Variants in USH1C observed in about 807,000 individuals in gnomAD.
The protein encoded by USH1C is USH1 protein network component harmonin, also known as harmonin.
USH1C carries 90 observed loss-of-function variants against 119.3 expected under a neutral mutation model. That is an observed-to-expected ratio of 0.75 (90% confidence interval 0.64 to 0.90). USH1C has a LOEUF of 0.90. USH1C is among the 40% of genes least tolerant of loss of function. The pLI, the probability that USH1C is intolerant of heterozygous loss-of-function variation, is 0.00. For missense variants in USH1C, 1,165 were observed against 1,167.7 expected (o/e 1.00, Z 0.03); for synonymous variants, 465 against 443.3 (o/e 1.05, Z -0.62).
Position 17,533,927 on chromosome 11 carries a change from C to T in USH1C, c.37-605G>A, listed in dbSNP as rs545502533. On this transcript the variant is annotated intron_variant, in intron 1 of 26. Transcript: ENST00000005226. Reference sequence around the variant, plus strand: ...GCCACTCCTTCCCCCTCCCCAGGCCCCTGCACAAGCCCCGCAGGGGGAGCG... The same window carrying T: ...GCCACTCCTTCCCCCTCCCCAGGCCTCTGCACAAGCCCCGCAGGGGGAGCG... 84 of 309,706 alleles carry T rather than the reference C, an allele frequency of 2.7e-4. 1 individual carries two copies. Among genetic ancestry groups the T allele is most frequent in the South Asian group, 2.2e-3 (76 of 34,458 alleles). The allele number at this position is 309,706 out of a possible 1,614,324, so 19.2% of individuals were successfully genotyped here.
At chr11:17,534,164 G>A (rs1226934912) in intron 1 of USH1C, among the ~76,000 whole-genome samples, 1 of 152,176 alleles carries the variant, frequency 6.6e-6, no homozygotes, top group African/African-American at 2.4e-5. Context: ...GGGGTCACTG[G>A]GTCCCTCTCT....
At chr11:17,511,852 C>A in intron 16 of USH1C, 50 bp downstream of exon 16, 1 of 1,588,296 alleles carries the variant, frequency 6.3e-7, no homozygotes, top group Non-Finnish European at 8.6e-7. Flanking sequence ...TGGAGAACGA[C>A]CACATTGTGT....
Position 17,533,731 on chromosome 11 carries a change from G to A in USH1C, c.37-409C>T, listed in dbSNP as rs1338749960. 4 of 468,766 alleles carry A rather than the reference G, an allele frequency of 8.5e-6. No homozygotes were observed. In the East Asian group the frequency reaches 2.0e-4, roughly 23 times the overall value. The allele number at this position is 468,766 out of a possible 1,614,324, so 29.0% of individuals were successfully genotyped here. The stretch of plus-strand genomic sequence containing the variant: ...CCCACTGTCTTACCTGATGGTGGCT[G>A]TAGTGCCGGATAAATGCTTTCAGGA... On this transcript the variant is annotated intron_variant, in intron 1 of 26. Transcript: ENST00000005226.
chr11:17,527,433 A>G (rs1306197967), intron 4 of USH1C, 102 bp from the exon 5 acceptor site: 1 of 971,666 alleles, frequency 1.0e-6, no homozygotes, highest in African/African-American at 1.6e-5. Flanking sequence ...GGAAAAGGGA[A>G]GGGTGGCTGT....
chr11:17,509,278 G>A (rs1591977364), intron 18 of USH1C, 78 bp downstream of exon 18: 1 of 1,479,900 alleles, frequency 6.8e-7, no homozygotes, highest in Non-Finnish European at 9.0e-7. Flanking sequence ...ACTCTCAGGA[G>A]CAGTGGAGGA....
At chr11:17,514,468 C>T (rs955852926) in intron 15 of USH1C, 2 of 152,260 alleles carry the variant, frequency 1.3e-5, no homozygotes, top group Non-Finnish European at 2.9e-5. Flanking sequence ...ATTCGCCTGT[C>T]TTGGCCTCCC....
chr11:17,520,255 G>A (rs546992475), intron 14 of USH1C, among the ~76,000 whole-genome samples: 25 of 152,312 alleles, frequency 1.6e-4, no homozygotes, highest in Admixed American at 1.6e-3. Context: ...TGGGACGGAT[G>A]AAGAGAGGAG....
At chr11:17,498,788 C>T (rs930753119) in intron 23 of USH1C, among the ~76,000 whole-genome samples, 28 of 152,160 alleles carry the variant, frequency 1.8e-4, no homozygotes, top group African/African-American at 6.5e-4. Flanking sequence ...CTCACAGCAT[C>T]CCAATCTTTT....
chr11:17,522,759 G>A, intron 12 of USH1C, 25 bp downstream of exon 12: 3 of 1,613,602 alleles, frequency 1.9e-6, no homozygotes, highest in Non-Finnish European at 1.7e-6. Context: ...GGCGGGACAG[G>A]GCATCCAGGG....
At chr11:17,500,936 G>T in intron 23 of USH1C, 115 bp downstream of exon 23, 1 of 851,028 alleles carries the variant, frequency 1.2e-6, no homozygotes, top group Non-Finnish European at 1.9e-6. Context: ...CGAGTGGGAG[G>T]GCATTCTCCA....
chr11:17,515,315 G>A (rs1158381324), intron 15 of USH1C, among the ~76,000 whole-genome samples: 3 of 152,148 alleles, frequency 2.0e-5, no homozygotes, highest in Non-Finnish European at 4.4e-5. Context: ...CTAGATAAAG[G>A]CATTAACCTC....
intron 9 of USH1C, among the ~76,000 whole-genome samples, chr11:17,524,175 T>C (rs991249648): frequency 1.3e-5 from 2 of 152,210 alleles, no homozygotes; most frequent in Non-Finnish European, 2.9e-5. Flanking sequence ...CATGGAACAA[T>C]GTCTGATGCA....
intron 14 of USH1C, among the ~76,000 whole-genome samples, chr11:17,518,692 T>A (rs1642820104): frequency 6.6e-6 from 1 of 152,124 alleles, no homozygotes; most frequent in African/African-American, 2.4e-5. Flanking sequence ...ATTTTCTAGG[T>A]AAGAGATGCC....
intron 20 of USH1C, among the ~76,000 whole-genome samples, chr11:17,503,540 G>A (rs2133794378): frequency 6.6e-6 from 1 of 152,326 alleles, no homozygotes; most frequent in South Asian, 2.1e-4. Flanking sequence ...AGGGGAGCAA[G>A]GGTTTGACTC....
chr11:17,501,364 C>G (rs1591962239), intron 22 of USH1C, 118 bp downstream of exon 22: 1 of 1,233,780 alleles, frequency 8.1e-7, no homozygotes, highest in Admixed American at 2.0e-5. Flanking sequence ...GAGGGGAGGA[C>G]AGTGGGGACC....
chr11:17,521,541 G>A (rs1850414316), intron 12 of USH1C, 130 bp from the exon 13 acceptor site: 2 of 930,776 alleles, frequency 2.1e-6, no homozygotes, highest in Non-Finnish European at 3.5e-6. Flanking sequence ...GCCTGGACCA[G>A]CTTTGGTTTT....
At chr11:17,505,518 T>C (rs1849615003) in intron 19 of USH1C, among the ~76,000 whole-genome samples, 1 of 152,242 alleles carries the variant, frequency 6.6e-6, no homozygotes, top group Non-Finnish European at 1.5e-5. Context: ...ACAGTCCTGC[T>C]GTGAAGATTA....
chr11:17,541,241 T>C (rs1380015910), intron 1 of USH1C, among the ~76,000 whole-genome samples: 2 of 152,230 alleles, frequency 1.3e-5, no homozygotes, highest in Non-Finnish European at 2.9e-5. Context: ...TCTGGCATTG[T>C]ATGATACTTT....
chr11:17,522,861 C>G lies in USH1C; in HGVS notation c.942G>C (p.Arg314=), dbSNP rs1183830862. The G allele has an allele frequency of 1.2e-6, 2 of 1,612,880 alleles. No homozygotes were observed. The highest frequency in any genetic ancestry group is 1.7e-6 in the Non-Finnish European group (2 of 1,179,724). ...GCCGCTTCTGCATGAGAAGCTCCTG[C>G]CGCTGCAGCTCACGCTGCCGCGCCT... The part of the protein sequence containing the change: ...LAEARQRELQ[R]QELLMQKRLA... Residue 314 remains arginine, a synonymous_variant, in exon 12 of 27, where the codon CGG becomes CGC. Coordinates refer to ENST00000005226, the MANE Select transcript of USH1C (RefSeq NM_153676.4).
Sources: gnomAD v4.1 joint callset for allele counts (sites outside exome capture counted in the v4.1 genomes callset) on GRCh38, gnomAD v4.1.1 for gene constraint, MANE v1.5 for transcripts, NCBI Gene and HGNC (gene_info 2026-07-23, HGNC 2026-07-21) for gene names.